Variants in NTM observed in about 807,000 individuals in gnomAD.
The protein encoded by NTM is IgLON family member 2.
NTM carries 13 observed loss-of-function variants against 42.1 expected under a neutral mutation model. The ratio of observed to expected loss-of-function variants is 0.31; its 90% CI spans 0.20 to 0.49. The LOEUF (loss-of-function observed/expected upper bound fraction) is 0.49, where lower values mean the gene tolerates loss of function less well. Ranked by LOEUF, NTM falls within the 20% of genes least tolerant of loss-of-function variation. NTM has a pLI of 0.99. For synonymous variants in NTM, 187 were observed against 179.2 expected (o/e 1.04, Z -0.35); for missense variants, 373 against 452.8 (o/e 0.82, Z 1.60).
At chr11:131,796,290 C>A in intron 1 of NTM, 1 of 533,730 alleles carries the variant, frequency 1.9e-6, no homozygotes, top group Non-Finnish European at 2.4e-6. Flanking sequence ...GCCTGCCTGG[C>A]TGTGCTGGTG....
chr11:132,042,168 G>A (rs2077288690), intron 2 of NTM, among the ~76,000 whole-genome samples: 1 of 152,118 alleles, frequency 6.6e-6, no homozygotes, highest in African/African-American at 2.4e-5. Context: ...TTTTCCTCTA[G>A]ACCCAAAATG....
chr11:131,575,809 C>G (rs145553440), intron 1 of NTM, among the ~76,000 whole-genome samples: 2 of 152,162 alleles, frequency 1.3e-5, no homozygotes, highest in African/African-American at 4.8e-5. Flanking sequence ...TTACCTCTAA[C>G]GAACTAACAT....
At chr11:132,124,537 T>C (rs1470183620) in intron 2 of NTM, among the ~76,000 whole-genome samples, 1 of 152,266 alleles carries the variant, frequency 6.6e-6, no homozygotes. Context: ...ACTCAGCAGC[T>C]GCTCACAATA....
Position 131,416,379 on chromosome 11 carries a change from A to C in NTM, c.82+45491A>C, listed in dbSNP as rs374355919. ...TTTACCATTATTATTTCACTTACACATTTGCTGCGTTACAGGAACTGCTGA... is the reference window on the plus strand; with the variant it reads ...TTTACCATTATTATTTCACTTACACCTTTGCTGCGTTACAGGAACTGCTGA... On this transcript the variant is annotated intron_variant, in intron 1 of 8. Coordinates refer to ENST00000683400, the MANE Select transcript of NTM (RefSeq NM_001352005.2). Among the ~76,000 whole-genome samples the C allele has an allele frequency of 5.3e-5, 8 of 152,248 alleles. No individual in the cohort carries two copies. In the East Asian group the frequency reaches 1.2e-3, roughly 22 times the overall value.
intron 1 of NTM, among the ~76,000 whole-genome samples, chr11:131,420,817 A>G (rs571465144): frequency 1.9e-3 from 295 of 152,288 alleles, no homozygotes; most frequent in Non-Finnish European, 3.3e-3. Context: ...CATTTTAGTC[A>G]GTCTAGGGAA....
At chr11:132,165,223 C>G (rs1328395897) in intron 3 of NTM, among the ~76,000 whole-genome samples, 1 of 152,194 alleles carries the variant, frequency 6.6e-6, no homozygotes, top group Non-Finnish European at 1.5e-5. Flanking sequence ...ACCTCCCTTA[C>G]CACCCCAAAT....
At chr11:131,850,568 C>CT (rs565459486) in intron 1 of NTM, among the ~76,000 whole-genome samples, 139 of 152,264 alleles carry the variant, frequency 9.1e-4, no homozygotes, top group Middle Eastern at 6.8e-3. Context: ...AAAATAAGGT[C>CT]TTTGTCTTCC....
At chr11:132,303,452 G>A (rs1477940598) in intron 4 of NTM, among the ~76,000 whole-genome samples, 1 of 152,202 alleles carries the variant, frequency 6.6e-6, no homozygotes, top group Non-Finnish European at 1.5e-5. Flanking sequence ...CTCTGTGCAT[G>A]TCTGCCCGAA....
chr11:132,275,169 G>A (rs548091347), intron 4 of NTM, among the ~76,000 whole-genome samples: 12 of 152,010 alleles, frequency 7.9e-5, no homozygotes, highest in Non-Finnish European at 1.6e-4. Context: ...TATAGTTTTA[G>A]CCTTTATGTT....
chr11:132,320,566 C>T lies in NTM; in HGVS notation c.934+5863C>T, dbSNP rs112930827. ...GCTGATTGCTAGCACAGCAGTCTGA[C>T]ATCAAACTGCAAGGTGGCAGTGAGG... is the stretch of plus-strand genomic sequence containing the variant. On this transcript the variant is annotated intron_variant, in intron 7 of 8. Coordinates refer to ENST00000683400, the MANE Select transcript of NTM (RefSeq NM_001352005.2). 5.4e-4 allele frequency among the ~76,000 whole-genome samples: 82 copies of T among 152,304 alleles called. 1 individual carries two copies. The East Asian group carries it at 0.015, about 29-fold the overall frequency.
intron 3 of NTM, among the ~76,000 whole-genome samples, chr11:132,167,596 T>C (rs1377420938): frequency 6.6e-6 from 1 of 152,238 alleles, no homozygotes; most frequent in East Asian, 1.9e-4. Context: ...AGGCTTCTTA[T>C]GTTATGAGCA....
intron 3 of NTM, among the ~76,000 whole-genome samples, chr11:132,148,704 T>A (rs1270486718): frequency 6.6e-6 from 1 of 152,198 alleles, no homozygotes; most frequent in African/African-American, 2.4e-5. Context: ...GAATGCCTGA[T>A]ACAAAGTGAA....
intron 1 of NTM, among the ~76,000 whole-genome samples, chr11:131,841,019 G>A (rs572184246): frequency 5.1e-4 from 77 of 152,316 alleles, no homozygotes; most frequent in Non-Finnish European, 8.8e-5. Flanking sequence ...GAGGTTTTCA[G>A]TGATTAGTTT....
chr11:132,025,980 C>T (rs778096241), intron 2 of NTM, among the ~76,000 whole-genome samples: 5 of 152,120 alleles, frequency 3.3e-5, no homozygotes, highest in Non-Finnish European at 5.9e-5. Flanking sequence ...TGACTCATCA[C>T]GTGGCCCTGA....
intron 1 of NTM, among the ~76,000 whole-genome samples, chr11:131,903,506 G>A (rs769081669): frequency 1.3e-5 from 2 of 152,294 alleles, no homozygotes; most frequent in East Asian, 1.9e-4. Context: ...TGACTCTTCC[G>A]TCGCTTGCCT....
At chr11:131,897,144 C>G (rs1038212333) in intron 1 of NTM, 1 of 152,188 alleles carries the variant, frequency 6.6e-6, no homozygotes, top group Non-Finnish European at 1.5e-5. Context: ...TGGTGGTGAC[C>G]AATATCCAAT....
intron 2 of NTM, among the ~76,000 whole-genome samples, chr11:132,122,668 C>A (rs2080092281): frequency 6.6e-6 from 1 of 152,170 alleles, no homozygotes; most frequent in Non-Finnish European, 1.5e-5. Flanking sequence ...TACCTCAGAG[C>A]CCCAGGGGTG....
intron 1 of NTM, among the ~76,000 whole-genome samples, chr11:131,377,772 G>A (rs1565442081): frequency 6.6e-6 from 1 of 152,164 alleles, no homozygotes; most frequent in Non-Finnish European, 1.5e-5. Context: ...AAGCTGCTCT[G>A]GCACTCACAC....
At chr11:131,713,092 GAAC>G (rs1592669536) in intron 1 of NTM, among the ~76,000 whole-genome samples, 1 of 152,040 alleles carries the variant, frequency 6.6e-6, no homozygotes, top group Non-Finnish European at 1.5e-5. Context: ...TGTCTCCATA[GAAC>G]AACATAAGGC....
Sources: allele counts gnomAD v4.1 joint callset (sites outside exome capture counted in the v4.1 genomes callset), GRCh38; gene constraint gnomAD v4.1.1; transcripts MANE v1.5; gene names NCBI Gene and HGNC (gene_info 2026-07-23, HGNC 2026-07-21).